The following ZNF384 variants were observed in gnomAD, a reference collection of about 807,000 sequenced individuals.
ZNF384 encodes the protein CAG repeat protein 1.
Under a neutral mutation model 65.0 loss-of-function variants are expected in ZNF384, and 20 were observed. The observed-to-expected ratio is 0.31, with a 90% CI of 0.22 to 0.45. ZNF384 has a LOEUF of 0.45. ZNF384 is among the 20% of genes least tolerant of loss of function. ZNF384 has a pLI of 1.00. For synonymous variants in ZNF384, 310 were observed against 303.9 expected (o/e 1.02, Z -0.21); for missense variants, 549 against 769.4 (o/e 0.71, Z 3.39).
intron 2 of ZNF384, among the ~76,000 whole-genome samples, chr12:6,682,953 C>G (rs1956592834): frequency 6.6e-6 from 1 of 152,082 alleles, no homozygotes; most frequent in South Asian, 2.1e-4. Flanking sequence ...AAATGACAGA[C>G]AAGAGATAAG....
At chr12:6,679,852 G>T (rs987925034) in intron 2 of ZNF384, among the ~76,000 whole-genome samples, 2 of 152,216 alleles carry the variant, frequency 1.3e-5, no homozygotes, top group African/African-American at 4.8e-5. Flanking sequence ...GCTCACGAGA[G>T]GGGAGATGAT....
rs1024838919 is a variant in ZNF384, at chr12:6,666,796, G to A, written c.*918C>T. The A allele has an allele frequency of 6.4e-5, 11 of 171,946 alleles. No homozygotes were observed. The highest frequency in any genetic ancestry group is 1.9e-4 in the African/African-American group (8 of 41,894). The allele number at this position is 171,946 out of a possible 1,614,324, so 10.7% of individuals were successfully genotyped here. On this transcript the variant is annotated 3_prime_UTR_variant, in exon 12 of 12. Transcript: ENST00000683879. ...TGGTTACAACAAAGATGGCCGTGAT[G>A]AGTGAGTATAATATATTTATATATA... is the stretch of plus-strand genomic sequence containing the variant.
intron 10 of ZNF384, among the ~76,000 whole-genome samples, chr12:6,669,793 C>T (rs573359669): frequency 1.2e-3 from 188 of 152,258 alleles, no homozygotes; most frequent in African/African-American, 3.8e-3. Context: ...TGAGCCACCG[C>T]GCCCAGCCAA....
chr12:6,678,637 A>AC lies in ZNF384; in HGVS notation c.352+25dup, dbSNP rs1565436919. ...TAATGGTCTCCTAACCCTTGTCCCCACCCCCCTGGTAACAGTGAGATTTAC... is the reference window on the plus strand; with the variant it reads ...TAATGGTCTCCTAACCCTTGTCCCCACCCCCCCTGGTAACAGTGAGATTTAC... On this transcript the variant is annotated intron_variant, in intron 5 of 11. Transcript: ENST00000683879. This position sits in a 1 kb window ranked among gnomAD's most constrained non-coding sequence, Gnocchi z 4.9. 3.1e-6 allele frequency: 5 copies of AC among 1,601,914 alleles called. No individual in the cohort carries two copies. Among genetic ancestry groups the AC allele is most frequent in the Middle Eastern group, 1.7e-4 (1 of 6,060 alleles).
rs1952072548 is a variant in ZNF384 at position 6,672,919 on chromosome 12, T to C, written c.1004+297A>G. 4 of 470,560 alleles carry C rather than the reference T, an allele frequency of 8.5e-6. No individual in the cohort carries two copies. The Admixed American group carries it at 1.1e-4, about 12-fold the overall frequency. 29.1% of individuals were successfully genotyped at this position (470,560 alleles called of 1,614,324 possible). The stretch of plus-strand genomic sequence containing the variant: ...ATGGACCTGAAGTTGAATGCACACC[T>C]TGGCTCTGAACTGAAGCATATAGTA... On this transcript the variant is annotated intron_variant, in intron 8 of 11. Transcript: ENST00000683879. The surrounding 1 kb of genome is among the most constrained non-coding windows in gnomAD (Gnocchi z 4.4).
rs1407614416 is a variant in ZNF384 at position 6,672,774 on chromosome 12, G to A, written c.1005-242C>T. On this transcript the variant is annotated intron_variant, in intron 8 of 11. Transcript: ENST00000683879. This position sits in a 1 kb window ranked among gnomAD's most constrained non-coding sequence, Gnocchi z 4.4. Reference sequence around the variant, plus strand: ...TGAAGAGCTGCAACCCATGGCTCCTGGTAACCTTAAAGTAGTCAATCTCAT... The same window carrying A: ...TGAAGAGCTGCAACCCATGGCTCCTAGTAACCTTAAAGTAGTCAATCTCAT... 6.6e-6 allele frequency among the ~76,000 whole-genome samples: 1 copy of A among 152,094 alleles called. No individual in the cohort carries two copies. The highest frequency in any genetic ancestry group is 2.4e-5 in the African/African-American group (1 of 41,412).
Position 6,673,209 on chromosome 12 carries a change from G to A in ZNF384, c.1004+7C>T. ...CAGGTGGTGGGGTAAACCAAGAGCA[G>A]CCTTACCGGGTGTGCTGCTGAAGGT... On this transcript the variant is annotated splice_region_variant and intron_variant, in intron 8 of 11. Transcript: ENST00000683879. This position sits in a 1 kb window ranked among gnomAD's most constrained non-coding sequence, Gnocchi z 4.7. 1 of 1,613,192 alleles carries A rather than the reference G, an allele frequency of 6.2e-7. No homozygotes were observed.
At chr12:6,671,653 C>A (rs536482594) in intron 9 of ZNF384, 1 of 152,364 alleles carries the variant, frequency 6.6e-6, no homozygotes. Context: ...CACAAGAAGC[C>A]GGGTGAGACG....
At chr12:6,674,241 T>C (rs1472190715) in intron 7 of ZNF384, among the ~76,000 whole-genome samples, 2 of 152,358 alleles carry the variant, frequency 1.3e-5, no homozygotes, top group East Asian at 3.9e-4. Context: ...CACTCTGGGT[T>C]GACATCAGTA....
intron 2 of ZNF384, among the ~76,000 whole-genome samples, chr12:6,686,189 T>C (rs1310347808): frequency 1.3e-5 from 2 of 152,296 alleles, no homozygotes; most frequent in East Asian, 3.9e-4. Flanking sequence ...CAACCAACCC[T>C]TAGAAAACCA....
intron 2 of ZNF384, among the ~76,000 whole-genome samples, chr12:6,687,119 C>A (rs1385392580): frequency 6.6e-6 from 1 of 152,180 alleles, no homozygotes; most frequent in Admixed American, 6.5e-5. Context: ...TCAAGAAGGG[C>A]CATCCCAGTA....
At position 6,673,092 on chromosome 12, in the gene ZNF384, T is replaced by C. The variant is rs2136636432; in HGVS notation, c.1004+124A>G. On this transcript the variant is annotated intron_variant, in intron 8 of 11. Coordinates refer to ENST00000683879, the MANE Select transcript of ZNF384 (RefSeq NM_001385745.1). The surrounding 1 kb of genome is among the most constrained non-coding windows in gnomAD (Gnocchi z 4.7). ...AATTTCCACAGACAGTAATAGGAGGTTGAGGCTACCAATGGGCAAAGGTGA... is the reference window on the plus strand; with the variant it reads ...AATTTCCACAGACAGTAATAGGAGGCTGAGGCTACCAATGGGCAAAGGTGA... The C allele has an allele frequency of 1.1e-6, 1 of 888,748 alleles. No individual in the cohort carries two copies. Among genetic ancestry groups the C allele is most frequent in the Non-Finnish European group, 1.7e-6 (1 of 579,346 alleles). The allele number at this position is 888,748 out of a possible 1,614,324, so 55.1% of individuals were successfully genotyped here.
chr12:6,667,554 A>T lies in ZNF384; in HGVS notation c.*160T>A. The T allele has an allele frequency of 2.1e-6, 2 of 954,054 alleles. No homozygotes were observed. Among genetic ancestry groups the T allele is most frequent in the Non-Finnish European group, 3.4e-6 (2 of 594,952 alleles). 59.1% of individuals were successfully genotyped at this position (954,054 alleles called of 1,614,324 possible). On this transcript the variant is annotated 3_prime_UTR_variant, in exon 12 of 12. Coordinates refer to ENST00000683879, the MANE Select transcript of ZNF384 (RefSeq NM_001385745.1). ...TGATGTTCCTTTTGAAGAAGAGTTCAGAAAAAGGATGGTATCCTGTGAAGG... is the reference window on the plus strand; with the variant it reads ...TGATGTTCCTTTTGAAGAAGAGTTCTGAAAAAGGATGGTATCCTGTGAAGG...
chr12:6,673,093 T>C lies in ZNF384; in HGVS notation c.1004+123A>G. 1 of 899,282 alleles carries C rather than the reference T, an allele frequency of 1.1e-6. No homozygotes were observed. The highest frequency in any genetic ancestry group is 1.7e-6 in the Non-Finnish European group (1 of 588,106). 55.7% of individuals were successfully genotyped at this position (899,282 alleles called of 1,614,324 possible). A position where few individuals can be genotyped will look rare whatever the true frequency, so the allele number is the denominator to read the frequency against. On this transcript the variant is annotated intron_variant, in intron 8 of 11. Transcript: ENST00000683879. The surrounding 1 kb of genome is among the most constrained non-coding windows in gnomAD (Gnocchi z 4.7). ...ATTTCCACAGACAGTAATAGGAGGT[T>C]GAGGCTACCAATGGGCAAAGGTGAA... is the stretch of plus-strand genomic sequence containing the variant.
At chr12:6,676,013 T>A (rs1484933742) in intron 7 of ZNF384, among the ~76,000 whole-genome samples, 2 of 152,140 alleles carry the variant, frequency 1.3e-5, no homozygotes, top group Non-Finnish European at 2.9e-5. Context: ...TAAAAAGATT[T>A]CTTTTGCCAG....
upstream of ZNF384, chr12:6,689,389 G>C (rs1959157438): frequency 6.6e-6 from 1 of 152,320 alleles, no homozygotes; most frequent in Non-Finnish European, 1.5e-5. Context: ...GCTGCAGCTC[G>C]TGCTCCCGCG....
Position 6,668,040 on chromosome 12 carries a change from C to T in ZNF384, c.1501G>A (p.Ala501Thr). The stretch of plus-strand genomic sequence containing the variant: ...GCCTGGGCCTGGGCCACTGCTGCCG[C>T]TGCTGCTGCTGCCTGCACCTGTTGC... ...LQQQVQAAAA[A>T]AAVAQAQAQA... The change falls in exon 12 of 12, where the codon GCG becomes ACG. Residue 501 changes from alanine (A) to threonine (T), a missense_variant. Physicochemically the swap from Ala to Thr is moderately conservative, Grantham distance 58. Transcript: ENST00000683879. 2 of 1,613,000 alleles carry T rather than the reference C, an allele frequency of 1.2e-6. No homozygotes were observed. The highest frequency in any genetic ancestry group is 1.7e-6 in the Non-Finnish European group (2 of 1,179,334).
In ZNF384 at chr12:6,678,337, T is replaced by C; in HGVS notation, c.476A>G (p.Gln159Arg). The change falls in exon 6 of 12, where the codon CAG becomes CGG. Residue 159 changes from glutamine (Q) to arginine (R), a missense_variant. Around this residue, in one of 5 missense-constraint regions of ZNF384, gnomAD observed 277 missense variants for 337.2 expected, o/e 0.82. Coordinates refer to ENST00000683879, the MANE Select transcript of ZNF384 (RefSeq NM_001385745.1). The surrounding 1 kb of genome is among the most constrained non-coding windows in gnomAD (Gnocchi z 4.9). ...CTTCTTGGAGAGGTCAGGGACAACC[T>C]GCAGGGCTTGTGAGCCAGGGGGAAG... ...SALPPGSQAL[Q>R]VVPDLSKKVA... 1 of 1,614,034 alleles carries C rather than the reference T, an allele frequency of 6.2e-7. No homozygotes were observed. The highest frequency in any genetic ancestry group is 8.5e-7 in the Non-Finnish European group (1 of 1,179,988).
Position 6,673,313 on chromosome 12 carries a change from C to A in ZNF384, c.907G>T (p.Ala303Ser), listed in dbSNP as rs770557401. ...CCTGAGTGTATACGGATGTGCTGGG[C>A]CAGGTAGGAGCTGTTGGCGAAGGTC... Reference protein sequence around the residue: ...SKTFANSSYLAQHIRIHSGAK... With the variant: ...SKTFANSSYLSQHIRIHSGAK... Residue 303 changes from alanine (A) to serine (S), a missense_variant, in exon 8 of 12, where the codon GCC (alanine) becomes TCC (serine). Ala to Ser is a moderately conservative substitution (Grantham distance 99). Around this residue, in one of 5 missense-constraint regions of ZNF384, gnomAD observed 39 missense variants for 85.8 expected, o/e 0.45. Transcript: ENST00000683879. This position sits in a 1 kb window ranked among gnomAD's most constrained non-coding sequence, Gnocchi z 4.7. The A allele has an allele frequency of 2.5e-6, 4 of 1,612,890 alleles. No homozygotes were observed. The Admixed American group carries it at 5.0e-5, about 20-fold the overall frequency.
Sources: allele counts gnomAD v4.1 joint callset (sites outside exome capture counted in the v4.1 genomes callset), GRCh38; gene constraint gnomAD v4.1.1; regional missense constraint gnomAD v4.1.1; non-coding constraint Gnocchi (gnomAD v3.1); transcripts MANE v1.5; gene names NCBI Gene and HGNC (gene_info 2026-07-23, HGNC 2026-07-21).